Variants in RNF216 observed in about 807,000 individuals in gnomAD.
RNF216 encodes the protein E3 ubiquitin-protein ligase RNF216.
RNF216 carries 72 observed loss-of-function variants against 110.8 expected under a neutral mutation model. That is an observed-to-expected ratio of 0.65 (90% CI 0.54 to 0.79). The LOEUF (loss-of-function observed/expected upper bound fraction) is 0.79, where lower values mean the gene tolerates loss of function less well. RNF216 is among the 30% of genes least tolerant of loss of function. The probability of loss-of-function intolerance (pLI) is 0.00; values close to 1 mark genes in which losing one functional copy is unlikely to be tolerated. For missense variants in RNF216, 1,342 were observed against 1,141.2 expected, an observed-to-expected ratio of 1.18 and a Z score of -2.54; for synonymous variants, 495 against 407.5, an observed-to-expected ratio of 1.21 and a Z score of -2.59.
chr7:5,769,721 A>C (rs1341851968), intron 1 of RNF216, among the ~76,000 whole-genome samples: 1 of 150,438 alleles, frequency 6.6e-6, no homozygotes, highest in Non-Finnish European at 1.5e-5. Context: ...GAGCTGTCTC[A>C]AAAAAAAGAA....
chr7:5,694,541 TCAGA>T (rs1360686773), intron 13 of RNF216, among the ~76,000 whole-genome samples: 2 of 152,210 alleles, frequency 1.3e-5, no homozygotes, highest in African/African-American at 2.4e-5. Context: ...TGCTATGAGA[TCAGA>T]CAGTCAGAAT....
rs13236790 is a variant in RNF216 at position 5,641,369 on chromosome 7, T to C, written c.2167A>G (p.Lys723Glu). 6.2e-7 allele frequency: 1 copy of C among 1,612,318 alleles called. No homozygotes were observed. Among genetic ancestry groups the C allele is most frequent in the Non-Finnish European group, 8.5e-7 (1 of 1,178,634 alleles). Residue 723 changes from lysine (K) to glutamate (E), a missense_variant, in exon 15 of 17, where the codon AAA (lysine) becomes GAA (glutamate). Coordinates refer to ENST00000389902, the MANE Select transcript of RNF216 (RefSeq NM_207111.4). ...DIKYRTSIEE[K>E]MTAARIRKCH... ...TTTCTAATGCGGGCAGCAGTCATTT[T>C]TTCTTCACTGAAATAAGAAAACATA...
chr7:5,747,658 C>G (rs1423507042), intron 3 of RNF216, among the ~76,000 whole-genome samples: 2 of 131,708 alleles, frequency 1.5e-5, no homozygotes, highest in African/African-American at 5.6e-5. Context: ...GGCTGAGGCA[C>G]AAGAATCACT....
intron 4 of RNF216, chr7:5,739,587 C>A (rs1456533785): frequency 3.3e-6 from 2 of 602,386 alleles, no homozygotes; most frequent in East Asian, 7.0e-5. Context: ...TTTTACAGAT[C>A]CATTCTTCAT....
intron 13 of RNF216, among the ~76,000 whole-genome samples, chr7:5,674,173 G>A (rs960812959): frequency 6.6e-6 from 1 of 151,956 alleles, no homozygotes; most frequent in Non-Finnish European, 1.5e-5. Context: ...GGGATTATAG[G>A]CACCCACCAC....
chr7:5,762,308 A>C (rs1177506991), intron 1 of RNF216, among the ~76,000 whole-genome samples: 1 of 152,072 alleles, frequency 6.6e-6, no homozygotes, highest in Non-Finnish European at 1.5e-5. Flanking sequence ...GGATCACCTA[A>C]GGTGAGGAGT....
rs1371951182 is a variant in RNF216 at position 5,663,347 on chromosome 7, G to A, written c.2062-10837C>T. 3.9e-5 allele frequency among the ~76,000 whole-genome samples: 6 copies of A among 152,240 alleles called. No homozygotes were observed. In the East Asian group the frequency reaches 5.8e-4, roughly 15 times the overall value. ...TGTAATCCCAGCACTTTGGGAGGCC[G>A]AGGCAGGTGGATCATGACGTCAGGA... On this transcript the variant is annotated intron_variant, in intron 13 of 16. Transcript: ENST00000389902.
chr7:5,753,113 C>A (rs1420101890), intron 2 of RNF216, 134 bp from the exon 3 acceptor site: 1 of 811,072 alleles, frequency 1.2e-6, no homozygotes, highest in Non-Finnish European at 1.8e-6. Context: ...TCAAGCAGCC[C>A]GTGCACTTAA....
intron 14 of RNF216, among the ~76,000 whole-genome samples, chr7:5,651,701 T>G (rs138276967): frequency 0.018 from 2,672 of 151,974 alleles, 36 homozygotes; most frequent in Non-Finnish European, 0.028. Context: ...CAGGCTGGAG[T>G]GCACTGGCGC....
chr7:5,712,805 T>C lies in RNF216; in HGVS notation c.1892A>G (p.Glu631Gly). The change falls in exon 12 of 17, where the codon GAG (glutamate) becomes GGG (glycine). Residue 631 changes from glutamate (E) to glycine (G), a missense_variant. By Grantham distance (98) the Glu-to-Gly change is moderately conservative. Coordinates refer to ENST00000389902, the MANE Select transcript of RNF216 (RefSeq NM_207111.4). ...CAGGATGGTCTGGGGGAGCACCTTC[T>C]CCAGCTCACTGGTTGGGAACGAACA... The part of the protein sequence containing the change: ...CTCSFPTSEL[E>G]KVLPQTILYK... The C allele has an allele frequency of 6.2e-7, 1 of 1,613,922 alleles. No homozygotes were observed.
intron 2 of RNF216, among the ~76,000 whole-genome samples, chr7:5,754,597 A>C (rs1795517406): frequency 6.6e-6 from 1 of 152,204 alleles, no homozygotes; most frequent in Non-Finnish European, 1.5e-5. Flanking sequence ...CATGAGGCAC[A>C]GGAGTCAAGA....
chr7:5,737,683 G>A (rs188964431), intron 5 of RNF216, among the ~76,000 whole-genome samples: 3 of 152,176 alleles, frequency 2.0e-5, no homozygotes, highest in Admixed American at 6.5e-5. Context: ...ACCTGGAAAG[G>A]GGCCCTTCCT....
rs555745151 is a variant in RNF216, at chr7:5,741,033, A to G, written c.984T>C (p.Ile328=). The G allele has an allele frequency of 1.2e-5, 19 of 1,613,956 alleles. No individual in the cohort carries two copies. The East Asian group carries it at 1.3e-4, about 11-fold the overall frequency. Residue 328 remains isoleucine, a synonymous_variant, in exon 4 of 17, where the codon ATT becomes ATC. Transcript: ENST00000389902. The part of the protein sequence containing the change: ...QESQEPNLEN[I]WGQEAAEVDQ... ...CTACCTCTGCAGCTTCTTGCCCCCA[A>G]ATGTTTTCCAAATTGGGCTCTTGAG... is the stretch of plus-strand genomic sequence containing the variant.
In RNF216 at chr7:5,754,494, G is replaced by A. The variant is rs185776721; in HGVS notation, c.68-1515C>T. 7.2e-3 allele frequency among the ~76,000 whole-genome samples: 1,095 copies of A among 152,074 alleles called. 8 individuals are homozygous for A. The highest frequency in any genetic ancestry group is 0.011 in the Non-Finnish European group (760 of 67,990). On this transcript the variant is annotated intron_variant, in intron 2 of 16. Coordinates refer to ENST00000389902, the MANE Select transcript of RNF216 (RefSeq NM_207111.4). ...TGTGGATTTTTAAGGATGAGGAGTT[G>A]CCAAGCTCCTCACTTAGCCATTTCA...
At chr7:5,770,899 C>A (rs1180894742) in intron 1 of RNF216, among the ~76,000 whole-genome samples, 1 of 151,044 alleles carries the variant, frequency 6.6e-6, no homozygotes, top group Non-Finnish European at 1.5e-5. Context: ...CCTCCGCCTC[C>A]TGGGTTCAAG....
chr7:5,745,324 T>C (rs1273093660), intron 3 of RNF216, among the ~76,000 whole-genome samples: 1 of 152,220 alleles, frequency 6.6e-6, no homozygotes, highest in Non-Finnish European at 1.5e-5. Context: ...AGTAAATGAC[T>C]AGTTCCTTAA....
rs1438601499 is a variant in RNF216 at position 5,642,220 on chromosome 7, T to G, written c.2160-844A>C. Among the ~76,000 whole-genome samples, 7 of 151,206 alleles carry G rather than the reference T, an allele frequency of 4.6e-5. 1 individual carries two copies. The highest frequency in any genetic ancestry group is 1.3e-4 in the Admixed American group (2 of 15,192). ...CTACAACTCAAGGTTCTGTTTTGTT[T>G]TTTTTTTTTTGAGACAGAGTCTTGC... is the stretch of plus-strand genomic sequence containing the variant. On this transcript the variant is annotated intron_variant, in intron 14 of 16. Transcript: ENST00000389902.
intron 13 of RNF216, among the ~76,000 whole-genome samples, chr7:5,660,955 T>TTTTTTTTTTTTTTTTTTTTTTTTTC (rs1562800034): frequency 1.4e-5 from 2 of 145,596 alleles, no homozygotes; most frequent in African/African-American, 5.3e-5. Flanking sequence ...TTTTTTTTTT[T>TTTTTTTTTTTTTTTTTTTTTTTTTC]TTTTTTTTTT....
At chr7:5,730,931 A>G (rs1562439602) in intron 5 of RNF216, 114 bp from the exon 6 acceptor site, 1 of 1,431,852 alleles carries the variant, frequency 7.0e-7, no homozygotes, top group Non-Finnish European at 9.5e-7. Flanking sequence ...CAACTGGCCT[A>G]TCAAGAAATT....
Sources: allele counts gnomAD v4.1 joint callset (sites outside exome capture counted in the v4.1 genomes callset), GRCh38; gene constraint gnomAD v4.1.1; transcripts MANE v1.5; gene names NCBI Gene and HGNC (gene_info 2026-07-23, HGNC 2026-07-21).